Variants in PCDHGB3 observed in about 807,000 individuals in gnomAD.
The protein encoded by PCDHGB3 is protocadherin gamma subfamily B, 3.
In PCDHGB3, 40 loss-of-function variants were observed where a neutral mutation model predicts 59.2. The ratio of observed to expected loss-of-function variants is 0.68; its 90% CI spans 0.52 to 0.88. PCDHGB3 has a LOEUF of 0.88. PCDHGB3 is among the 40% of genes least tolerant of loss of function. The pLI, the probability that PCDHGB3 is intolerant of heterozygous loss-of-function variation, is 0.00. For missense variants in PCDHGB3, 1,309 were observed against 1,187.9 expected, an observed-to-expected ratio of 1.10 and a Z score of -1.50; for synonymous variants, 581 against 503.6, an observed-to-expected ratio of 1.15 and a Z score of -2.06.
rs1430797606 is a variant in PCDHGB3 at position 141,370,494 on chromosome 5, C to T, written c.100C>T (p.Arg34Cys). The change falls in exon 1 of 4, where the codon CGC becomes TGC. Residue 34 changes from arginine (R) to cysteine (C), a missense_variant. Coordinates refer to ENST00000576222, the MANE Select transcript of PCDHGB3 (RefSeq NM_018924.5). ...AGACCAGGCTCTCTCCGAACCGATC[C>T]GCTACGCTATTCCCGAGGAGCTGGA... ...LLDQALSEPI[R>C]YAIPEELDRG... 3.1e-6 allele frequency: 5 copies of T among 1,613,784 alleles called. No homozygotes were observed. The African/African-American group carries it at 5.3e-5, about 17-fold the overall frequency.
At chr5:141,400,400 C>A (rs375490385) in intron 1 of PCDHGB3, 2 of 1,614,000 alleles carry the variant, frequency 1.2e-6, no homozygotes, top group Admixed American at 3.3e-5. Flanking sequence ...ACAGGAAAGA[C>A]GGAGTTTAAT....
chr5:141,451,001 A>G (rs909477017), intron 1 of PCDHGB3, among the ~76,000 whole-genome samples: 1 of 148,266 alleles, frequency 6.7e-6, no homozygotes, highest in African/African-American at 2.5e-5. Context: ...ATTTTTTTGT[A>G]TTTTTTTTAG....
intron 1 of PCDHGB3, chr5:141,385,250 G>C (rs1448897004): frequency 6.2e-7 from 1 of 1,613,820 alleles, no homozygotes. Context: ...AGCCAGGAGA[G>C]CTGTGAGAAA....
At chr5:141,400,376 T>A in intron 1 of PCDHGB3, 1 of 1,614,070 alleles carries the variant, frequency 6.2e-7, no homozygotes, top group East Asian at 2.2e-5. Context: ...TCCTACAACC[T>A]ATGTGTTGCA....
chr5:141,387,299 G>A (rs1405240674), intron 1 of PCDHGB3, among the ~76,000 whole-genome samples: 2 of 152,182 alleles, frequency 1.3e-5, no homozygotes, highest in South Asian at 2.1e-4. Flanking sequence ...AATGTATCCA[G>A]TATATTTCTA....
At position 141,485,681 on chromosome 5, in the gene PCDHGB3, T is replaced by A; in HGVS notation, c.2416-9126T>A. The A allele has an allele frequency of 6.2e-7, 1 of 1,614,074 alleles. No homozygotes were observed. The highest frequency in any genetic ancestry group is 8.5e-7 in the Non-Finnish European group (1 of 1,179,966). ...TGTGGGGAGCAATTCGATTAGCAGC[T>A]ATAGGCTGAGCTCCAATGAACACTT... On this transcript the variant is annotated intron_variant, in intron 1 of 3. Transcript: ENST00000576222. The surrounding 1 kb of genome is among the most constrained non-coding windows in gnomAD (Gnocchi z 5.7).
chr5:141,384,492 AG>A (rs746302959), intron 1 of PCDHGB3: 2 of 1,614,164 alleles, frequency 1.2e-6, no homozygotes, highest in East Asian at 4.5e-5. Context: ...TACAACTAAG[AG>A]TGACTGCACA....
intron 1 of PCDHGB3, chr5:141,393,832 T>C (rs953592252): frequency 6.2e-7 from 1 of 1,613,866 alleles, no homozygotes; most frequent in African/African-American, 1.3e-5. Context: ...GTGGAAGATG[T>C]AAATGACAAT....
chr5:141,403,353 A>T lies in PCDHGB3; in HGVS notation c.2415+30544A>T, dbSNP rs1335542003. The T allele has an allele frequency of 2.5e-6, 4 of 1,613,932 alleles. No individual in the cohort carries two copies. In the East Asian group the frequency reaches 6.7e-5, roughly 27 times the overall value. ...ATTAACGACAGCGCCCCAAAGTTCC[A>T]GGCCGAAAGTCTGGAAGTAAAAATT... On this transcript the variant is annotated intron_variant, in intron 1 of 3. Coordinates refer to ENST00000576222, the MANE Select transcript of PCDHGB3 (RefSeq NM_018924.5).
chr5:141,480,816 G>A (rs1400500941), intron 1 of PCDHGB3, among the ~76,000 whole-genome samples: 4 of 152,208 alleles, frequency 2.6e-5, no homozygotes, highest in Admixed American at 2.0e-4. Flanking sequence ...GGAGGCTGAG[G>A]TGGGTGGATC....
intron 1 of PCDHGB3, among the ~76,000 whole-genome samples, chr5:141,449,342 C>T (rs895923034): frequency 3.3e-5 from 5 of 151,854 alleles, no homozygotes; most frequent in Non-Finnish European, 5.9e-5. Context: ...TGCAGTGGCT[C>T]ACTCCTGTAA....
Position 141,491,885 on chromosome 5 carries a change from G to T in PCDHGB3, c.2416-2922G>T. On this transcript the variant is annotated intron_variant, in intron 1 of 3. Transcript: ENST00000576222. The surrounding 1 kb of genome is among the most constrained non-coding windows in gnomAD (Gnocchi z 6.9). ...ACCAGAGTGGCCGATTAAGGGATGG[G>T]GCTCCGAGCACCGGGGGTGGTGGCG... The T allele has an allele frequency of 6.9e-7, 1 of 1,445,748 alleles. No homozygotes were observed. Among genetic ancestry groups the T allele is most frequent in the Non-Finnish European group, 9.1e-7 (1 of 1,093,758 alleles). The allele number at this position is 1,445,748 out of a possible 1,614,324, so 89.6% of individuals were successfully genotyped here. A position where few individuals can be genotyped will look rare whatever the true frequency, so the allele number is the denominator to read the frequency against.
rs2099605485 is a variant in PCDHGB3 at position 141,485,030 on chromosome 5, G to A, written c.2416-9777G>A. 1 of 674,340 alleles carries A rather than the reference G, an allele frequency of 1.5e-6. No individual in the cohort carries two copies. Among genetic ancestry groups the A allele is most frequent in the East Asian group, 2.6e-5 (1 of 38,292 alleles). The allele number at this position is 674,340 out of a possible 1,614,324, so 41.8% of individuals were successfully genotyped here. A position where few individuals can be genotyped will look rare whatever the true frequency, so the allele number is the denominator to read the frequency against. ...CTACCCCGCCACCAGCAAAAACGGC[G>A]CGTAACCCTTGCGGCGCCGGCCGAA... On this transcript the variant is annotated intron_variant, in intron 1 of 3. Transcript: ENST00000576222. The surrounding 1 kb of genome is among the most constrained non-coding windows in gnomAD (Gnocchi z 5.7).
chr5:141,476,950 A>T lies in PCDHGB3; in HGVS notation c.2416-17857A>T, dbSNP rs1224572890. 2 of 1,614,158 alleles carry T rather than the reference A, an allele frequency of 1.2e-6. No homozygotes were observed. The highest frequency in any genetic ancestry group is 4.5e-5 in the East Asian group (2 of 44,878). ...ATCTGGATGAAGGCCCCAACGGTGA[A>T]ATTATTTACTCCTTCGGCAGCCACA... On this transcript the variant is annotated intron_variant, in intron 1 of 3. Transcript: ENST00000576222. The surrounding 1 kb of genome is among the most constrained non-coding windows in gnomAD (Gnocchi z 7.6).
At chr5:141,492,191 G>A (rs996614987) in intron 1 of PCDHGB3, among the ~76,000 whole-genome samples, 1 of 152,204 alleles carries the variant, frequency 6.6e-6, no homozygotes, top group African/African-American at 2.4e-5. Context: ...ACCTGTCTGC[G>A]GGACTTAGGT....
At chr5:141,440,113 G>A (rs1375262224) in intron 1 of PCDHGB3, 1 of 152,248 alleles carries the variant, frequency 6.6e-6, no homozygotes, top group Non-Finnish European at 1.5e-5. Context: ...ACTTACTTGT[G>A]AATGACTGAA....
intron 1 of PCDHGB3, chr5:141,428,219 T>C (rs749413221): frequency 8.4e-7 from 1 of 1,195,778 alleles, no homozygotes. Context: ...CACCTAGTCT[T>C]CGCAGACAGC....
chr5:141,421,443 GAC>G (rs771422215), intron 1 of PCDHGB3: 47 of 1,613,988 alleles, frequency 2.9e-5, no homozygotes, highest in Non-Finnish European at 3.6e-5. Context: ...CCAGAGGGAA[GAC>G]ACAGCTTTTC....
At position 141,376,027 on chromosome 5, in the gene PCDHGB3, C is replaced by T. The variant is rs750383085; in HGVS notation, c.2415+3218C>T. The T allele has an allele frequency of 1.9e-6, 3 of 1,613,250 alleles. No homozygotes were observed. In the East Asian group the frequency reaches 6.7e-5, roughly 36 times the overall value. ...AGAGCCTAGTGGTGGCCGTCCAGGACCACGGCCAGCCCCCTCTCTCCGCCA... is the reference window on the plus strand; with the variant it reads ...AGAGCCTAGTGGTGGCCGTCCAGGATCACGGCCAGCCCCCTCTCTCCGCCA... On this transcript the variant is annotated intron_variant, in intron 1 of 3. Coordinates refer to ENST00000576222, the MANE Select transcript of PCDHGB3 (RefSeq NM_018924.5).
Sources: allele counts gnomAD v4.1 joint callset (sites outside exome capture counted in the v4.1 genomes callset), GRCh38; gene constraint gnomAD v4.1.1; non-coding constraint Gnocchi (gnomAD v3.1); transcripts MANE v1.5; gene names NCBI Gene and HGNC (gene_info 2026-07-23, HGNC 2026-07-21).